Variants in TLL2 observed in about 807,000 individuals in gnomAD.
The protein encoded by TLL2 is tolloid-like protein 2.
In TLL2, 106 loss-of-function variants were observed where a neutral mutation model predicts 123.0. The observed-to-expected ratio is 0.86, with a 90% CI of 0.74 to 1.01. The LOEUF (loss-of-function observed/expected upper bound fraction) is 1.01. Ranked by LOEUF, TLL2 falls within the 50% of genes least tolerant of loss-of-function variation. The pLI is 0.00. For missense variants in TLL2, 1,332 were observed against 1,336.7 expected (o/e 1.00, Z 0.06); for synonymous variants, 494 against 516.8 (o/e 0.96, Z 0.60).
intron 3 of TLL2, among the ~76,000 whole-genome samples, chr10:96,433,819 C>T (rs1846768201): frequency 2.0e-5 from 3 of 152,162 alleles, no homozygotes. Flanking sequence ...CTCACTCTAT[C>T]ACCCAGGTTG....
chr10:96,464,267 C>T (rs1348325828), intron 2 of TLL2, among the ~76,000 whole-genome samples: 2 of 151,834 alleles, frequency 1.3e-5, no homozygotes, highest in Non-Finnish European at 2.9e-5. Flanking sequence ...ACCTGTAATC[C>T]CAGCTACTTG....
At chr10:96,489,396 G>GCA (rs1187332806) in intron 1 of TLL2, among the ~76,000 whole-genome samples, 3 of 152,132 alleles carry the variant, frequency 2.0e-5, no homozygotes, top group Non-Finnish European at 4.4e-5. Flanking sequence ...GGGCATGGTG[G>GCA]CACACACCAG....
chr10:96,385,762 T>C (rs1258128896), intron 15 of TLL2, among the ~76,000 whole-genome samples: 1 of 152,134 alleles, frequency 6.6e-6, no homozygotes, highest in Admixed American at 6.5e-5. Flanking sequence ...CTCCCCAGAC[T>C]CACAGCCCAG....
At chr10:96,428,074 C>T (rs554457136) in intron 5 of TLL2, among the ~76,000 whole-genome samples, 1 of 152,252 alleles carries the variant, frequency 6.6e-6, no homozygotes, top group Admixed American at 6.5e-5. Flanking sequence ...GGATTACAGG[C>T]GTGACTCACC....
At chr10:96,421,144 T>C (rs940185058) in intron 6 of TLL2, 83 bp from the exon 7 acceptor site, 6 of 1,000,552 alleles carry the variant, frequency 6.0e-6, no homozygotes, top group East Asian at 2.4e-5. Context: ...GGAGGGCCCA[T>C]AACAACTTCC....
chr10:96,422,595 T>G lies in TLL2; in HGVS notation c.771A>C (p.Pro257=). The G allele has an allele frequency of 6.2e-7, 1 of 1,614,214 alleles. No individual in the cohort carries two copies. Among genetic ancestry groups the G allele is most frequent in the Non-Finnish European group, 8.5e-7 (1 of 1,180,028 alleles). The change falls in exon 6 of 21, where the codon CCA becomes CCC. Residue 257 remains proline (P), a synonymous_variant. Transcript: ENST00000357947. Reference sequence around the variant, plus strand: ...TGATGGTGACATGTTGGTCTCTGTCTGGCCGGGTGTGTTCATGCCAAAACC... The same window carrying G: ...TGATGGTGACATGTTGGTCTCTGTCGGGCCGGGTGTGTTCATGCCAAAACC... ...VVGFWHEHTR[P]DRDQHVTIIR... is the part of the protein sequence containing the mutation.
intron 2 of TLL2, among the ~76,000 whole-genome samples, chr10:96,471,667 G>T (rs1480531605): frequency 1.3e-5 from 2 of 152,132 alleles, no homozygotes; most frequent in African/African-American, 4.8e-5. Context: ...TACAAATAAG[G>T]AATGAGTTGC....
At chr10:96,394,390 A>T (rs1846317789) in intron 13 of TLL2, among the ~76,000 whole-genome samples, 1 of 152,192 alleles carries the variant, frequency 6.6e-6, no homozygotes, top group African/African-American at 2.4e-5. Flanking sequence ...GGGGCCTGAC[A>T]GCAGAGAAGG....
At chr10:96,389,047 A>G (rs961409546) in intron 13 of TLL2, among the ~76,000 whole-genome samples, 2 of 152,252 alleles carry the variant, frequency 1.3e-5, no homozygotes, top group African/African-American at 4.8e-5. Context: ...TCACCTTACC[A>G]AATTGAAAGT....
At chr10:96,411,902 A>G (rs1247443085) in intron 8 of TLL2, among the ~76,000 whole-genome samples, 1 of 152,160 alleles carries the variant, frequency 6.6e-6, no homozygotes, top group African/African-American at 2.4e-5. Flanking sequence ...GCCAGGCATC[A>G]TGAGGATTAT....
At chr10:96,452,061 G>A (rs1846965965) in intron 2 of TLL2, among the ~76,000 whole-genome samples, 2 of 152,258 alleles carry the variant, frequency 1.3e-5, no homozygotes. Flanking sequence ...CCTTGGTGGA[G>A]CACCTGCTTT....
intron 9 of TLL2, 132 bp from the exon 10 acceptor site, chr10:96,405,466 C>T (rs1846440957): frequency 1.3e-6 from 1 of 764,064 alleles, no homozygotes; most frequent in African/African-American, 1.7e-5. Context: ...GGAGTGTTGT[C>T]TCAAAAGCAT....
chr10:96,380,211 T>C (rs927876358), intron 16 of TLL2, among the ~76,000 whole-genome samples: 3 of 152,172 alleles, frequency 2.0e-5, no homozygotes, highest in Non-Finnish European at 4.4e-5. Context: ...TTGTGGTCCT[T>C]GTATGCAGCC....
intron 11 of TLL2, 47 bp downstream of exon 11, chr10:96,397,139 A>G (rs1846349710): frequency 6.5e-6 from 10 of 1,531,256 alleles, no homozygotes; most frequent in Non-Finnish European, 9.0e-6. Context: ...TGGGAAGGAC[A>G]GAGCTTATGA....
chr10:96,438,767 T>C (rs565633284), intron 3 of TLL2, among the ~76,000 whole-genome samples: 42 of 152,362 alleles, frequency 2.8e-4, no homozygotes, highest in African/African-American at 9.4e-4. Context: ...CTTTCGACCA[T>C]TGAGTATAAT....
At chr10:96,467,058 C>A (rs1225445763) in intron 2 of TLL2, among the ~76,000 whole-genome samples, 1 of 152,160 alleles carries the variant, frequency 6.6e-6, no homozygotes, top group Non-Finnish European at 1.5e-5. Flanking sequence ...GTTTGAGCAG[C>A]AAATGCATTT....
chr10:96,490,027 T>C (rs1328009683), intron 1 of TLL2, among the ~76,000 whole-genome samples: 1 of 151,710 alleles, frequency 6.6e-6, no homozygotes, highest in South Asian at 2.1e-4. Context: ...ACCCAGGAGG[T>C]GGAGGTTACA....
At chr10:96,421,848 CA>C (rs1324673568) in intron 6 of TLL2, among the ~76,000 whole-genome samples, 2 of 151,378 alleles carry the variant, frequency 1.3e-5, no homozygotes, top group East Asian at 3.9e-4. Flanking sequence ...AAAAAACAAA[CA>C]AAAAAAACAA....
intron 20 of TLL2, among the ~76,000 whole-genome samples, 176 bp from the exon 21 acceptor site, chr10:96,368,398 G>A (rs1846049221): frequency 6.6e-6 from 1 of 152,160 alleles, no homozygotes; most frequent in Non-Finnish European, 1.5e-5. Context: ...TCTGCTCCAG[G>A]GAGCTTTGCA....
Sources: allele counts gnomAD v4.1 joint callset (sites outside exome capture counted in the v4.1 genomes callset), GRCh38; gene constraint gnomAD v4.1.1; transcripts MANE v1.5; gene names NCBI Gene and HGNC (gene_info 2026-07-23, HGNC 2026-07-21).